The following SGCZ variants were observed in gnomAD, a reference collection of about 807,000 sequenced individuals.
The protein encoded by SGCZ is sarcoglycan zeta, also known as zeta-sarcoglycan.
SGCZ carries 40 observed loss-of-function variants against 41.3 expected under a neutral mutation model. The observed-to-expected ratio is 0.97, with a 90% CI of 0.75 to 1.26. The LOEUF is 1.26. Ranked by LOEUF, SGCZ falls within the 50% of genes most tolerant of loss-of-function variation. The pLI is 0.00. For synonymous variants in SGCZ, 206 were observed against 137.5 expected, an observed-to-expected ratio of 1.50 and a Z score of -3.49; for missense variants, 552 against 369.8, an observed-to-expected ratio of 1.49 and a Z score of -4.04.
chr8:14,292,468 C>A (rs12114761), intron 3 of SGCZ, among the ~76,000 whole-genome samples: 114,103 of 151,842 alleles, frequency 0.75, 43,333 homozygotes, highest in Non-Finnish European at 0.8. Context: ...CAAGAGCCAA[C>A]AGTAAACTAG....
intron 5 of SGCZ, among the ~76,000 whole-genome samples, chr8:14,144,830 G>T (rs1563151894): frequency 6.6e-6 from 1 of 152,146 alleles, no homozygotes; most frequent in Non-Finnish European, 1.5e-5. Flanking sequence ...GGGAATATCA[G>T]TGGTAGTCTG....
intron 2 of SGCZ, among the ~76,000 whole-genome samples, chr8:14,330,411 CTG>C (rs1802272324): frequency 6.6e-6 from 1 of 151,974 alleles, no homozygotes; most frequent in African/African-American, 2.4e-5. Context: ...TCTTTAAAAA[CTG>C]AAAGTAATCT....
intron 7 of SGCZ, among the ~76,000 whole-genome samples, chr8:14,095,169 C>T (rs1449784527): frequency 1.3e-5 from 2 of 152,090 alleles, no homozygotes; most frequent in Non-Finnish European, 2.9e-5. Context: ...GTTGCCATTG[C>T]TTTTGGTGTT....
intron 3 of SGCZ, among the ~76,000 whole-genome samples, chr8:14,305,355 G>A (rs1801316992): frequency 1.3e-5 from 2 of 151,984 alleles, no homozygotes; most frequent in Admixed American, 6.6e-5. Context: ...TACTTATAAT[G>A]CTTATTTTAA....
At chr8:15,181,862 T>G (rs557873440) in intron 1 of SGCZ, among the ~76,000 whole-genome samples, 3 of 152,250 alleles carry the variant, frequency 2.0e-5, no homozygotes, top group African/African-American at 4.8e-5. Context: ...AACATGAGAT[T>G]ATTTGGGGAG....
At chr8:14,612,841 A>T (rs1196229291) in intron 1 of SGCZ, among the ~76,000 whole-genome samples, 1 of 152,000 alleles carries the variant, frequency 6.6e-6, no homozygotes, top group African/African-American at 2.4e-5. Flanking sequence ...ACCTGCCATC[A>T]CACCCAGCTA....
intron 4 of SGCZ, among the ~76,000 whole-genome samples, chr8:14,169,836 A>C (rs192123782): frequency 6.6e-6 from 1 of 152,254 alleles, no homozygotes; most frequent in Non-Finnish European, 1.5e-5. Context: ...GGCTAGCTGT[A>C]CCTCCATATG....
chr8:14,433,015 AC>A (rs1217261356), intron 2 of SGCZ, among the ~76,000 whole-genome samples: 2 of 151,968 alleles, frequency 1.3e-5, no homozygotes, highest in Admixed American at 6.6e-5. Flanking sequence ...AAGAAAAAAA[AC>A]ATTGTTTCTC....
At position 14,476,279 on chromosome 8, in the gene SGCZ, C is replaced by T. The variant is rs569027752; in HGVS notation, c.234+78453G>A. Among the ~76,000 whole-genome samples the T allele has an allele frequency of 4.6e-5, 7 of 152,204 alleles. No homozygotes were observed. The East Asian group carries it at 1.4e-3, about 29-fold the overall frequency. On this transcript the variant is annotated intron_variant, in intron 2 of 7. Coordinates refer to ENST00000382080, the MANE Select transcript of SGCZ (RefSeq NM_139167.4). The stretch of plus-strand genomic sequence containing the variant: ...TGGGTATCATCCAACTCACTGGGAC[C>T]TGCCCCAAGAGAACAAAAAGCAGAA...
chr8:14,884,037 T>C (rs1319066042), intron 1 of SGCZ, among the ~76,000 whole-genome samples: 1 of 152,144 alleles, frequency 6.6e-6, no homozygotes, highest in Non-Finnish European at 1.5e-5. Context: ...ATTTGTTTTG[T>C]CATCCTTAAA....
chr8:14,537,764 G>T (rs1433052547), intron 2 of SGCZ, among the ~76,000 whole-genome samples: 1 of 151,790 alleles, frequency 6.6e-6, no homozygotes, highest in Non-Finnish European at 1.5e-5. Flanking sequence ...CAGGGAAATT[G>T]CTGCCATGAT....
At position 14,090,396 on chromosome 8, in the gene SGCZ, C is replaced by T. The variant is rs780624985; in HGVS notation, c.*47G>A. The T allele has an allele frequency of 1.3e-5, 21 of 1,572,950 alleles. No individual in the cohort carries two copies. The highest frequency in any genetic ancestry group is 1.1e-4 in the South Asian group (9 of 84,936). Reference sequence around the variant, plus strand: ...AAACCGAGCAGAACTGTGAAGCAGACGGACAGGAACAAAAGGCTATTCTGG... The same window carrying T: ...AAACCGAGCAGAACTGTGAAGCAGATGGACAGGAACAAAAGGCTATTCTGG... On this transcript the variant is annotated 3_prime_UTR_variant, in exon 8 of 8. Transcript: ENST00000382080.
chr8:14,960,961 ACACT>A (rs111699154), intron 1 of SGCZ, among the ~76,000 whole-genome samples: 8,967 of 119,198 alleles, frequency 0.075, 393 homozygotes, highest in African/African-American at 0.14. Context: ...ACACACACAC[ACACT>A]CACTCAAGCA....
At chr8:15,112,734 C>T (rs4351419) in intron 1 of SGCZ, among the ~76,000 whole-genome samples, 4 of 152,052 alleles carry the variant, frequency 2.6e-5, no homozygotes, top group Non-Finnish European at 5.9e-5. Context: ...CTCAGCTAAC[C>T]GCTAGCACCA....
intron 4 of SGCZ, among the ~76,000 whole-genome samples, chr8:14,202,911 G>A (rs1805500830): frequency 6.6e-6 from 1 of 152,136 alleles, no homozygotes; most frequent in African/African-American, 2.4e-5. Context: ...CATCTTGTGG[G>A]AGGAATCAGG....
chr8:15,234,888 C>G (rs933857389), intron 1 of SGCZ, among the ~76,000 whole-genome samples: 2 of 151,752 alleles, frequency 1.3e-5, no homozygotes, highest in Admixed American at 1.3e-4. Flanking sequence ...CACTGATCAT[C>G]TAAAACTAAG....
intron 1 of SGCZ, among the ~76,000 whole-genome samples, chr8:14,947,810 C>T (rs549716084): frequency 6.6e-6 from 1 of 152,156 alleles, no homozygotes; most frequent in South Asian, 2.1e-4. Flanking sequence ...GCAAGCACAG[C>T]ATTAATGTTT....
Position 14,337,788 on chromosome 8 carries a change from C to T in SGCZ, c.235-13584G>A, listed in dbSNP as rs1232685298. 3.9e-5 allele frequency among the ~76,000 whole-genome samples: 6 copies of T among 152,156 alleles called. No individual in the cohort carries two copies. The East Asian group carries it at 1.2e-3, about 29-fold the overall frequency. ...AAGAAGTCCAGTGGTACCTCCCCTG[C>T]ATGGGTCAGAGCTGATAATAGAAAA... On this transcript the variant is annotated intron_variant, in intron 2 of 7. Coordinates refer to ENST00000382080, the MANE Select transcript of SGCZ (RefSeq NM_139167.4).
Position 14,683,264 on chromosome 8 carries a change from C to T in SGCZ, c.40-128338G>A, listed in dbSNP as rs17120037. Among the ~76,000 whole-genome samples the T allele has an allele frequency of 4.3e-3, 655 of 151,912 alleles. 11 individuals carry two copies. The highest frequency in any genetic ancestry group is 0.015 in the African/African-American group (628 of 41,452). On this transcript the variant is annotated intron_variant, in intron 1 of 7. Transcript: ENST00000382080. ...CTTACGATTACAATCCATTTTATAC[C>T]CAACATTTACCAGGAGTTAACACCA...
Sources: allele counts gnomAD v4.1 joint callset (sites outside exome capture counted in the v4.1 genomes callset), GRCh38; gene constraint gnomAD v4.1.1; transcripts MANE v1.5; gene names NCBI Gene and HGNC (gene_info 2026-07-23, HGNC 2026-07-21).